Variants in TDP1 observed in about 807,000 individuals in gnomAD.
The protein encoded by TDP1 is tyrosyl-DNA phosphodiesterase 1.
A neutral mutation model predicts 81.5 loss-of-function variants in TDP1; 64 were observed. That is an observed-to-expected ratio of 0.79 (90% confidence interval 0.64 to 0.97). The LOEUF (loss-of-function observed/expected upper bound fraction) is 0.97. TDP1 is among the 50% of genes least tolerant of loss of function. The probability of loss-of-function intolerance (pLI) is 0.00; values close to 1 mark genes in which losing one functional copy is unlikely to be tolerated. For missense variants in TDP1, 723 were observed against 743.8 expected (o/e 0.97, Z 0.33); for synonymous variants, 256 against 264.3 (o/e 0.97, Z 0.30).
At chr14:89,971,920 T>TC (rs1214244762) in intron 6 of TDP1, among the ~76,000 whole-genome samples, 2 of 151,648 alleles carry the variant, frequency 1.3e-5, no homozygotes, top group Non-Finnish European at 2.9e-5. Context: ...TCTTTTTTTT[T>TC]CACATGAGTT....
intron 4 of TDP1, 118 bp from the exon 5 acceptor site, chr14:89,967,249 T>A: frequency 7.6e-7 from 1 of 1,319,092 alleles, no homozygotes; most frequent in South Asian, 1.2e-5. Context: ...TTATAAATAA[T>A]ACATGTAGTG....
At chr14:89,991,886 A>G in intron 12 of TDP1, 31 bp from the exon 13 acceptor site, 1 of 1,587,118 alleles carries the variant, frequency 6.3e-7, no homozygotes, top group Non-Finnish European at 8.6e-7. Context: ...TATATTTCAT[A>G]ATTTTTATTG....
intron 7 of TDP1, among the ~76,000 whole-genome samples, chr14:89,979,413 G>T (rs1894728583): frequency 1.3e-5 from 2 of 151,694 alleles, no homozygotes; most frequent in South Asian, 4.2e-4. Context: ...AGCTTCAACT[G>T]ATTCACCTGC....
In TDP1 at chr14:89,993,424, T is replaced by C; in HGVS notation, c.1482T>C (p.Ile494=). 6.2e-7 allele frequency: 1 copy of C among 1,613,918 alleles called. No individual in the cohort carries two copies. Among genetic ancestry groups the C allele is most frequent in the Non-Finnish European group, 8.5e-7 (1 of 1,179,870 alleles). Residue 494 remains isoleucine (I), a synonymous_variant, in exon 14 of 17, where the codon ATT becomes ATC. Transcript: ENST00000335725. ...TSGRSNAMPH[I]KTYMRPSPDF... ...GCCGCAGCAATGCCATGCCACATAT[T>C]AAGACATATATGAGGCCTTCTCCAG...
At chr14:89,982,586 T>C (rs1461225577) in intron 8 of TDP1, among the ~76,000 whole-genome samples, 1 of 152,206 alleles carries the variant, frequency 6.6e-6, no homozygotes, top group African/African-American at 2.4e-5. Context: ...TAGTACTGTC[T>C]TGGGATTCTC....
chr14:89,977,412 C>T (rs1894475060), intron 7 of TDP1, among the ~76,000 whole-genome samples: 1 of 152,112 alleles, frequency 6.6e-6, no homozygotes, highest in South Asian at 2.1e-4. Flanking sequence ...ATTCTCTTGC[C>T]TCAGCCTCCT....
rs370238893 is a variant in TDP1 at position 89,960,275 on chromosome 14, GT to G, written c.-7-2824del. Among the ~76,000 whole-genome samples, 233 of 150,702 alleles carry G rather than the reference GT, an allele frequency of 1.5e-3. 1 individual carries two copies. The highest frequency in any genetic ancestry group is 5.2e-3 in the African/African-American group (214 of 41,020). On this transcript the variant is annotated intron_variant, in intron 2 of 16. Coordinates refer to ENST00000335725, the MANE Select transcript of TDP1 (RefSeq NM_018319.4). Reference sequence around the variant, plus strand: ...ACTAGAGGAACCTAAGGTTTTGTGGGTTTTTTTTTCAAACCGGAAGGATTAA... The same window carrying G: ...ACTAGAGGAACCTAAGGTTTTGTGGGTTTTTTTTCAAACCGGAAGGATTAA...
chr14:89,958,198 CTT>C (rs982098547), intron 2 of TDP1: 3 of 152,318 alleles, frequency 2.0e-5, no homozygotes, highest in African/African-American at 7.2e-5. Flanking sequence ...ATTAACAGCT[CTT>C]TTAGTCCCAC....
intron 6 of TDP1, among the ~76,000 whole-genome samples, chr14:89,973,603 GA>G (rs1893906549): frequency 6.6e-6 from 1 of 152,168 alleles, no homozygotes; most frequent in Non-Finnish European, 1.5e-5. Context: ...ATTAGTCAGA[GA>G]ATCGGTGGCT....
rs73328415 is a variant in TDP1, at chr14:90,004,113, G to A, written c.1541+10630G>A. Among the ~76,000 whole-genome samples the A allele has an allele frequency of 3.9e-3, 591 of 152,198 alleles. 2 individuals carry two copies. Among genetic ancestry groups the A allele is most frequent in the African/African-American group, 0.014 (567 of 41,520 alleles). On this transcript the variant is annotated intron_variant, in intron 14 of 16. Transcript: ENST00000335725. ...CGCCTACAAGTGACTTCCTTTATAC[G>A]ATAGAGATGACTCAAGGTCATATTA...
At chr14:89,970,777 G>T in intron 5 of TDP1, 1 of 954,016 alleles carries the variant, frequency 1.0e-6, no homozygotes, top group Non-Finnish European at 1.2e-6. Flanking sequence ...TGATAAGGAA[G>T]CTAGCATTCC....
rs5810477 is a variant in TDP1, at chr14:89,969,876, C to CTTTT, written c.660-1284_660-1281dup. 1.8e-4 allele frequency among the ~76,000 whole-genome samples: 22 copies of CTTTT among 122,852 alleles called. 1 individual carries two copies. Among genetic ancestry groups the CTTTT allele is most frequent in the African/African-American group, 3.4e-4 (11 of 32,596 alleles). 80.6% of individuals were successfully genotyped at this position (122,852 alleles called of 152,430 possible). ...AGAGCTTGTAGAAATATACTTATTT[C>CTTTT]TTTTTTTTTTTTTTTTTTGAGGCGG... On this transcript the variant is annotated intron_variant, in intron 5 of 16. Transcript: ENST00000335725.
At chr14:89,961,605 G>A (rs74935214) in intron 2 of TDP1, among the ~76,000 whole-genome samples, 3,757 of 152,262 alleles carry the variant, frequency 0.025, 44 homozygotes, top group Non-Finnish European at 0.04. Flanking sequence ...TTAAACCGCA[G>A]AAGGGAGGGG....
chr14:89,970,156 G>A (rs1242473383), intron 5 of TDP1, among the ~76,000 whole-genome samples: 2 of 152,154 alleles, frequency 1.3e-5, no homozygotes, highest in South Asian at 2.1e-4. Flanking sequence ...GATTACAGGC[G>A]TGAGCCACCG....
intron 14 of TDP1, among the ~76,000 whole-genome samples, chr14:89,996,139 C>A (rs920784768): frequency 6.6e-6 from 1 of 152,222 alleles, no homozygotes; most frequent in African/African-American, 2.4e-5. Context: ...GTTGTGTCAT[C>A]ACGTGGATGT....
chr14:89,980,111 T>C (rs1834691416), intron 7 of TDP1: 1 of 967,786 alleles, frequency 1.0e-6, no homozygotes, highest in Non-Finnish European at 1.2e-6. Context: ...TAATTAAATA[T>C]ATACAGTATA....
intron 16 of TDP1, 126 bp from the exon 17 acceptor site, chr14:90,042,944 C>T: frequency 6.4e-7 from 1 of 1,554,654 alleles, no homozygotes; most frequent in African/African-American, 1.4e-5. Flanking sequence ...ATCTTCTGGG[C>T]TTGGTTCAGA....
intron 14 of TDP1, among the ~76,000 whole-genome samples, chr14:90,002,526 C>G (rs978395072): frequency 6.6e-6 from 1 of 152,024 alleles, no homozygotes; most frequent in African/African-American, 2.4e-5. Flanking sequence ...CCTTATAAAG[C>G]CTTTATCTGT....
Position 89,971,227 on chromosome 14 carries a change from C to A in TDP1, c.712C>A (p.Leu238Ile). ...HGDKREAKAHLHAQAKPYENI... is the reference protein window; with the variant it reads ...HGDKREAKAHIHAQAKPYENI... The stretch of plus-strand genomic sequence containing the variant: ...TGATAAGCGAGAGGCTAAGGCTCAC[C>A]TCCATGCCCAGGCCAAGCCTTACGA... The change falls in exon 6 of 17, where the codon CTC (leucine) becomes ATC (isoleucine). Residue 238 changes from leucine (L) to isoleucine (I), a missense_variant. By Grantham distance (5) the Leu-to-Ile change is conservative. Coordinates refer to ENST00000335725, the MANE Select transcript of TDP1 (RefSeq NM_018319.4). The A allele has an allele frequency of 3.7e-6, 6 of 1,614,164 alleles. 1 individual carries two copies. The South Asian group carries it at 6.6e-5, about 18-fold the overall frequency.
Sources: allele counts gnomAD v4.1 joint callset (sites outside exome capture counted in the v4.1 genomes callset), GRCh38; gene constraint gnomAD v4.1.1; transcripts MANE v1.5; gene names NCBI Gene and HGNC (gene_info 2026-07-23, HGNC 2026-07-21).